ATP10B: variants seen among roughly 807,000 people sequenced by gnomAD.
ATP10B encodes ATPase phospholipid transporting 10B (putative).
A neutral mutation model predicts 141.2 loss-of-function variants in ATP10B; 122 were observed. That is an observed-to-expected ratio of 0.86 (90% CI 0.75 to 1.00). The LOEUF (loss-of-function observed/expected upper bound fraction) is 1.00, where lower values mean the gene tolerates loss of function less well. Ranked by LOEUF, ATP10B falls within the 50% of genes least tolerant of loss-of-function variation. The pLI, the probability that ATP10B is intolerant of heterozygous loss-of-function variation, is 0.00. For synonymous variants in ATP10B, 685 were observed against 692.0 expected (o/e 0.99, Z 0.16); for missense variants, 1,876 against 1,825.3 (o/e 1.03, Z -0.51).
intron 2 of ATP10B, among the ~76,000 whole-genome samples, chr5:160,738,948 TA>T (rs1767290504): frequency 6.6e-6 from 1 of 152,172 alleles, no homozygotes; most frequent in Admixed American, 6.5e-5. Flanking sequence ...CAATGTACCT[TA>T]TGAATGTAGG....
chr5:160,850,137 C>T (rs964322428), intron 1 of ATP10B, among the ~76,000 whole-genome samples: 2 of 151,974 alleles, frequency 1.3e-5, no homozygotes, highest in Non-Finnish European at 2.9e-5. Context: ...GGGCCAGGTG[C>T]GGTGCTTACG....
chr5:160,832,930 AAAGT>A (rs1775189907), intron 1 of ATP10B, among the ~76,000 whole-genome samples: 1 of 152,094 alleles, frequency 6.6e-6, no homozygotes, highest in Admixed American at 6.6e-5. Context: ...AATCTAGCCC[AAAGT>A]AAGTCTGCAG....
At chr5:160,795,571 A>ATTT (rs11399408) in intron 1 of ATP10B, among the ~76,000 whole-genome samples, 1 of 148,608 alleles carries the variant, frequency 6.7e-6, no homozygotes, top group Non-Finnish European at 1.5e-5. Context: ...GAACCTATGA[A>ATTT]TTTTTTTTTT....
intron 1 of ATP10B, among the ~76,000 whole-genome samples, chr5:160,827,410 T>C (rs1774699240): frequency 6.6e-6 from 1 of 152,236 alleles, no homozygotes; most frequent in African/African-American, 2.4e-5. Flanking sequence ...TGATTAGTGA[T>C]GTTGAGCATT....
At chr5:160,586,306 C>A (rs1471072676) in intron 24 of ATP10B, among the ~76,000 whole-genome samples, 2 of 152,164 alleles carry the variant, frequency 1.3e-5, no homozygotes, top group African/African-American at 2.4e-5. Context: ...AAAGACATGA[C>A]CTCATTCTTT....
At chr5:160,881,665 A>T in the ATP10B span, among the ~76,000 whole-genome samples, 3 of 151,990 alleles carry the variant, frequency 2.0e-5, no homozygotes, top group African/African-American at 7.2e-5. Context: ...ATAAAAAATT[A>T]TCCGGGCGTG....
chr5:160,928,170 T>G, the ATP10B span, among the ~76,000 whole-genome samples: 1 of 152,140 alleles, frequency 6.6e-6, no homozygotes, highest in Admixed American at 6.5e-5. Flanking sequence ...TCAAACACAT[T>G]TCCTTCCCTT....
At chr5:160,789,956 G>A (rs1447762735) in intron 1 of ATP10B, among the ~76,000 whole-genome samples, 1 of 152,116 alleles carries the variant, frequency 6.6e-6, no homozygotes, top group Admixed American at 6.6e-5. Context: ...TGAAGATTGG[G>A]TGTAAAGAAA....
At chr5:160,877,011 G>A in the ATP10B span, among the ~76,000 whole-genome samples, 1 of 151,614 alleles carries the variant, frequency 6.6e-6, no homozygotes, top group Non-Finnish European at 1.5e-5. Flanking sequence ...CAGAAAAAGA[G>A]GGAATCCTCC....
At position 160,670,661 on chromosome 5, in the gene ATP10B, C is replaced by T. The variant is rs1305626413; in HGVS notation, c.477G>A (p.Glu159=). The T allele has an allele frequency of 6.2e-7, 1 of 1,613,164 alleles. No individual in the cohort carries two copies. The highest frequency in any genetic ancestry group is 2.2e-5 in the East Asian group (1 of 44,884). The change falls in exon 7 of 26, where the codon GAG becomes GAA. Residue 159 remains glutamate (E), a synonymous_variant. Coordinates refer to ENST00000327245, the MANE Select transcript of ATP10B (RefSeq NM_025153.3). ...CSNIRIYERK[E]QTYVQKCWKD... ...TCCAGCACTTCTGCACATAGGTCTG[C>T]TCTTTTCTTGGGTGAGAGAAAGACA... is the stretch of plus-strand genomic sequence containing the variant.
intron 10 of ATP10B, among the ~76,000 whole-genome samples, chr5:160,636,677 G>A (rs1759400052): frequency 6.6e-6 from 1 of 152,056 alleles, no homozygotes; most frequent in Non-Finnish European, 1.5e-5. Flanking sequence ...AGGGAGCCTT[G>A]AGACCTGTCC....
In ATP10B at chr5:160,799,138, G is replaced by T. The variant is rs1032272767; in HGVS notation, c.-575-13335C>A. Among the ~76,000 whole-genome samples the T allele has an allele frequency of 1.1e-4, 16 of 151,848 alleles. No individual in the cohort carries two copies. In the South Asian group the frequency reaches 1.9e-3, roughly 18 times the overall value. ...AAAGCTGATTTTTTTTTTCAGGTTT[G>T]TGTTTTAAAAATGTGTCTCAAATGA... On this transcript the variant is annotated intron_variant, in intron 1 of 25. Transcript: ENST00000327245.
chr5:160,873,709 C>T, the ATP10B span, among the ~76,000 whole-genome samples: 12 of 152,330 alleles, frequency 7.9e-5, no homozygotes, highest in East Asian at 7.7e-4. Context: ...GGGCGAGGCA[C>T]TGCCTCACTT....
At chr5:160,655,281 C>A (rs953462073) in intron 7 of ATP10B, among the ~76,000 whole-genome samples, 3 of 151,816 alleles carry the variant, frequency 2.0e-5, no homozygotes, top group Admixed American at 2.0e-4. Flanking sequence ...TATTTTTAAG[C>A]ATTTAAATTT....
chr5:160,637,021 C>CATCCATCCATTCATGA (rs1554098772), intron 10 of ATP10B, among the ~76,000 whole-genome samples: 56 of 45,624 alleles, frequency 1.2e-3, no homozygotes, highest in Non-Finnish European at 1.7e-3. Flanking sequence ...TCCATCTATC[C>CATCCATCCATTCATGA]ATCCATCCAT....
chr5:160,649,195 T>G lies in ATP10B; in HGVS notation c.737A>C (p.His246Pro). The change falls in exon 8 of 26, where the codon CAC (histidine) becomes CCC (proline). Residue 246 changes from histidine (H) to proline (P), a missense_variant. His to Pro is a moderately conservative substitution (Grantham distance 77). Transcript: ENST00000327245. Reference protein sequence around the residue: ...NTIVCEKPNNHLNKFKGYMEH... With the variant: ...NTIVCEKPNNPLNKFKGYMEH... ...CATATAACCCTTAAATTTGTTGAGG[T>G]GGTTGTTGGGTTTCTCACACACGAT... 1 of 1,613,668 alleles carries G rather than the reference T, an allele frequency of 6.2e-7. No homozygotes were observed. The highest frequency in any genetic ancestry group is 8.5e-7 in the Non-Finnish European group (1 of 1,179,758).
chr5:160,917,974 T>C, the ATP10B span, among the ~76,000 whole-genome samples: 1 of 152,274 alleles, frequency 6.6e-6, no homozygotes, highest in South Asian at 2.1e-4. Flanking sequence ...CCTGAGATGC[T>C]AAAGGGCTGC....
intron 2 of ATP10B, among the ~76,000 whole-genome samples, chr5:160,768,536 T>C (rs748655193): frequency 1.4e-4 from 21 of 152,212 alleles, no homozygotes; most frequent in Non-Finnish European, 2.9e-4. Flanking sequence ...TTTTAATCAG[T>C]ACCATGGCAT....
At chr5:160,722,182 A>G (rs1194354802) in intron 2 of ATP10B, among the ~76,000 whole-genome samples, 2 of 152,222 alleles carry the variant, frequency 1.3e-5, no homozygotes, top group South Asian at 4.1e-4. Flanking sequence ...ATCTGGGTTA[A>G]ACATCTCATA....
Sources: gnomAD v4.1 joint callset for allele counts (sites outside exome capture counted in the v4.1 genomes callset) on GRCh38, gnomAD v4.1.1 for gene constraint, MANE v1.5 for transcripts, NCBI Gene and HGNC (gene_info 2026-07-23, HGNC 2026-07-21) for gene names.